CCDC30: variants seen among roughly 807,000 people sequenced by gnomAD.
CCDC30 encodes coiled-coil domain containing 30.
A neutral mutation model predicts 100.2 loss-of-function variants in CCDC30; 70 were observed. The observed-to-expected ratio is 0.70, with a 90% CI of 0.58 to 0.85. CCDC30 has a LOEUF of 0.85. Ranked by LOEUF, CCDC30 falls within the 40% of genes least tolerant of loss-of-function variation. The probability of loss-of-function intolerance (pLI) is 0.00; values close to 1 mark genes in which losing one functional copy is unlikely to be tolerated. For synonymous variants in CCDC30, 233 were observed against 269.5 expected, an observed-to-expected ratio of 0.86 and a Z score of 1.33; for missense variants, 652 against 771.2, an observed-to-expected ratio of 0.85 and a Z score of 1.83.
chr1:42,573,577 C>T (rs1405573851), intron 7 of CCDC30, among the ~76,000 whole-genome samples: 3 of 151,994 alleles, frequency 2.0e-5, no homozygotes, highest in African/African-American at 7.2e-5. Context: ...TTAAACCTTT[C>T]ATTCTTTTTT....
chr1:42,620,775 T>C (rs567709805), intron 11 of CCDC30, among the ~76,000 whole-genome samples: 35 of 152,296 alleles, frequency 2.3e-4, no homozygotes, highest in African/African-American at 8.4e-4. Context: ...GACTTACTTA[T>C]GTTACCCATC....
Position 42,536,463 on chromosome 1 carries a change from A to G in CCDC30, c.457-29833A>G, listed in dbSNP as rs1433972278. ...TTATATATAAAATTAATTATGTAAA[A>G]TGCTTTTTACAGATCCTGAAAATGA... On this transcript the variant is annotated intron_variant, in intron 6 of 16. Transcript: ENST00000668663. 1.3e-6 allele frequency: 2 copies of G among 1,536,848 alleles called. No individual in the cohort carries two copies. Among genetic ancestry groups the G allele is most frequent in the Non-Finnish European group, 1.8e-6 (2 of 1,122,580 alleles).
chr1:42,635,693 C>T (rs148345988), intron 11 of CCDC30, among the ~76,000 whole-genome samples: 1,531 of 151,706 alleles, frequency 0.01, 24 homozygotes, highest in African/African-American at 0.035. Context: ...CCTGTAGTCC[C>T]GCTACTCAGG....
At chr1:42,598,101 A>C (rs754146170) in intron 10 of CCDC30, among the ~76,000 whole-genome samples, 1 of 152,108 alleles carries the variant, frequency 6.6e-6, no homozygotes, top group Non-Finnish European at 1.5e-5. Flanking sequence ...CCAGGAGTTC[A>C]AGGCTGCAGG....
chr1:42,636,439 A>G (rs921948773), intron 11 of CCDC30, among the ~76,000 whole-genome samples: 1 of 152,044 alleles, frequency 6.6e-6, no homozygotes, highest in African/African-American at 2.4e-5. Context: ...TCCAGACTCA[A>G]TGCAAGGACT....
intron 6 of CCDC30, among the ~76,000 whole-genome samples, chr1:42,542,347 G>A (rs7411957): frequency 0.14 from 20,717 of 151,812 alleles, 1,557 homozygotes; most frequent in East Asian, 0.19. Context: ...TTGCTATAAC[G>A]TCAAATCTAA....
At chr1:42,653,877 A>C (rs1648556256) in exon 17 of CCDC30, 3 of 1,614,178 alleles carry the variant, frequency 1.9e-6, no homozygotes, top group Non-Finnish European at 2.5e-6. Context: ...GAAGAGATCA[A>C]GTCAAAAGAA....
intron 4 of CCDC30, among the ~76,000 whole-genome samples, chr1:42,495,568 G>T (rs941683430): frequency 9.9e-5 from 15 of 151,544 alleles, no homozygotes; most frequent in South Asian, 4.2e-4. Context: ...GGTGGCCTAT[G>T]CCTGTAGTCC....
At chr1:42,510,773 C>G (rs367607981) in intron 6 of CCDC30, among the ~76,000 whole-genome samples, 294 of 151,908 alleles carry the variant, frequency 1.9e-3, no homozygotes, top group African/African-American at 6.7e-3. Context: ...TTGAGGGGGG[C>G]CCCAAATAAG....
At chr1:42,510,683 T>C (rs1427146769) in intron 6 of CCDC30, among the ~76,000 whole-genome samples, 4 of 151,336 alleles carry the variant, frequency 2.6e-5, no homozygotes, top group African/African-American at 9.7e-5. Flanking sequence ...GTGGAAAGCT[T>C]CTATATACTT....
At chr1:42,503,655 A>G (rs1273257454) in intron 6 of CCDC30, among the ~76,000 whole-genome samples, 3 of 152,228 alleles carry the variant, frequency 2.0e-5, no homozygotes, top group African/African-American at 7.2e-5. Flanking sequence ...AACTGCTGGC[A>G]TTCACCTTTG....
At chr1:42,475,285 T>C (rs985692660) in intron 1 of CCDC30, among the ~76,000 whole-genome samples, 4 of 152,192 alleles carry the variant, frequency 2.6e-5, no homozygotes, top group Admixed American at 6.5e-5. Flanking sequence ...TCTTAATTGC[T>C]CTTTCACTTC....
At chr1:42,603,270 G>T (rs1419467599) in intron 10 of CCDC30, among the ~76,000 whole-genome samples, 2 of 152,088 alleles carry the variant, frequency 1.3e-5, no homozygotes, top group Non-Finnish European at 2.9e-5. Flanking sequence ...AGGATAAAAG[G>T]GTAAGAGGAT....
chr1:42,613,390 G>A (rs1452900976), intron 11 of CCDC30, among the ~76,000 whole-genome samples: 1 of 152,146 alleles, frequency 6.6e-6, no homozygotes, highest in Non-Finnish European at 1.5e-5. Context: ...GAGTAGCTGG[G>A]ACCACAGGCG....
chr1:42,638,284 T>G (rs544189352), intron 12 of CCDC30, among the ~76,000 whole-genome samples: 54 of 150,952 alleles, frequency 3.6e-4, no homozygotes, highest in Admixed American at 9.3e-4. Flanking sequence ...AGGCCAGGAG[T>G]TCAAGGTTAC....
chr1:42,490,389 C>T (rs889511445), intron 4 of CCDC30, among the ~76,000 whole-genome samples, 160 bp downstream of exon 4: 1 of 150,980 alleles, frequency 6.6e-6, no homozygotes, highest in African/African-American at 2.4e-5. Flanking sequence ...TAATGCAAGA[C>T]CGCATCTCAA....
At chr1:42,537,210 C>T (rs186241874) in intron 6 of CCDC30, 448 of 456,166 alleles carry the variant, frequency 9.8e-4, no homozygotes, top group Non-Finnish European at 1.5e-3. Context: ...GCTTATCGCT[C>T]GTTTTAACTT....
intron 6 of CCDC30, among the ~76,000 whole-genome samples, chr1:42,539,915 C>T (rs1422890025): frequency 1.6e-5 from 2 of 126,866 alleles, no homozygotes; most frequent in African/African-American, 6.1e-5. Flanking sequence ...GAGACCCCAT[C>T]TCTAAAAAAA....
In CCDC30 at chr1:42,498,926, T is replaced by A; in HGVS notation, c.456+10T>A. ...TGAACAGAGAGAACAGGTATTGTAT[T>A]TTAAAGTTCTGTTCTTTCTGATCTC... On this transcript the variant is annotated intron_variant, in intron 6 of 16. Transcript: ENST00000668663. 3.3e-6 allele frequency: 4 copies of A among 1,217,282 alleles called. No homozygotes were observed. The highest frequency in any genetic ancestry group is 4.1e-6 in the Non-Finnish European group (4 of 972,656). The allele number at this position is 1,217,282 out of a possible 1,614,324, so 75.4% of individuals were successfully genotyped here.
Sources: allele counts gnomAD v4.1 joint callset (sites outside exome capture counted in the v4.1 genomes callset), GRCh38; gene constraint gnomAD v4.1.1; transcripts MANE v1.5; gene names NCBI Gene and HGNC (gene_info 2026-07-23, HGNC 2026-07-21).